The following FAM78B variants were observed in gnomAD, a reference collection of about 807,000 sequenced individuals.
FAM78B encodes the protein family with sequence similarity 78 member B.
A neutral mutation model predicts 20.0 loss-of-function variants in FAM78B; 10 were observed. That is an observed-to-expected ratio of 0.50 (90% CI 0.31 to 0.85). The LOEUF is 0.85. Ranked by LOEUF, FAM78B falls within the 40% of genes least tolerant of loss-of-function variation. FAM78B has a pLI of 0.05. For synonymous variants in FAM78B, 135 were observed against 132.8 expected, an observed-to-expected ratio of 1.02 and a Z score of -0.12; for missense variants, 283 against 345.0, an observed-to-expected ratio of 0.82 and a Z score of 1.42.
chr1:166,109,797 GAT>G lies in FAM78B; in HGVS notation c.264-39036_264-39035del, dbSNP rs1653924086. ...ATCAACGAGTGGATAAAGAAACTGT[GAT>G]ATATATGTATATATGTATATATATA... On this transcript the variant is annotated intron_variant, in intron 1 of 1. Coordinates refer to ENST00000354422, the MANE Select transcript of FAM78B (RefSeq NM_001017961.5). Among the ~76,000 whole-genome samples the G allele has an allele frequency of 3.4e-5, 3 of 88,908 alleles. No individual in the cohort carries two copies. The Admixed American group carries it at 4.1e-4, about 12-fold the overall frequency. The allele number at this position is 88,908 out of a possible 152,430, so 58.3% of individuals were successfully genotyped here. A position where few individuals can be genotyped will look rare whatever the true frequency, so the allele number is the denominator to read the frequency against.
At chr1:166,114,295 A>C (rs1654177192) in intron 1 of FAM78B, among the ~76,000 whole-genome samples, 1 of 152,218 alleles carries the variant, frequency 6.6e-6, no homozygotes, top group African/African-American at 2.4e-5. Flanking sequence ...TCAGGGAAGG[A>C]GGGTGCCCTG....
intron 1 of FAM78B, among the ~76,000 whole-genome samples, chr1:166,158,449 C>G (rs1656003046): frequency 6.6e-6 from 1 of 152,226 alleles, no homozygotes; most frequent in Non-Finnish European, 1.5e-5. Flanking sequence ...ACTGAGCATC[C>G]CTGGACCTCA....
At chr1:166,106,143 G>A (rs1357511996) in intron 1 of FAM78B, among the ~76,000 whole-genome samples, 4 of 148,540 alleles carry the variant, frequency 2.7e-5, no homozygotes, top group Non-Finnish European at 5.9e-5. Context: ...ACTCACAGGT[G>A]GGAATTGAAC....
At chr1:166,110,474 G>C (rs915251158) in intron 1 of FAM78B, among the ~76,000 whole-genome samples, 1 of 152,104 alleles carries the variant, frequency 6.6e-6, no homozygotes, top group Non-Finnish European at 1.5e-5. Context: ...TTTCCCTGTG[G>C]CTGAGGCCAA....
intron 1 of FAM78B, among the ~76,000 whole-genome samples, chr1:166,120,586 G>C (rs6684321): frequency 0.99 from 150,285 of 152,358 alleles, 74,142 homozygotes; most frequent in Middle Eastern, 1. Context: ...TGTGGAAATA[G>C]AAGATGTACA....
At chr1:166,124,371 TAAC>T (rs2101771768) in intron 1 of FAM78B, among the ~76,000 whole-genome samples, 1 of 152,308 alleles carries the variant, frequency 6.6e-6, no homozygotes, top group African/African-American at 2.4e-5. Flanking sequence ...ACAATGATGA[TAAC>T]AACAAAAACA....
chr1:166,090,110 G>C (rs1387124774), intron 1 of FAM78B, among the ~76,000 whole-genome samples: 1 of 152,162 alleles, frequency 6.6e-6, no homozygotes, highest in African/African-American at 2.4e-5. Context: ...TCCTACCCAG[G>C]TCAGTTATAC....
intron 1 of FAM78B, 38 bp from the exon 2 acceptor site, chr1:166,070,801 C>A: frequency 6.6e-7 from 1 of 1,505,146 alleles, no homozygotes; most frequent in Non-Finnish European, 8.8e-7. Context: ...AAAGAAGAGG[C>A]TGAATGAATT....
At chr1:166,163,583 C>G (rs542901581) in intron 1 of FAM78B, among the ~76,000 whole-genome samples, 1 of 152,208 alleles carries the variant, frequency 6.6e-6, no homozygotes, top group African/African-American at 2.4e-5. Context: ...TGAAAAATCA[C>G]TCCATGCTAT....
chr1:166,109,814 G>GTATATGTATATA (rs1653928232), intron 1 of FAM78B, among the ~76,000 whole-genome samples: 1 of 32,646 alleles, frequency 3.1e-5, no homozygotes, highest in African/African-American at 9.8e-5. Flanking sequence ...ATGTATATAT[G>GTATATGTATATA]TATATATATA....
chr1:166,166,162 C>T lies in FAM78B; in HGVS notation c.87G>A (p.Gln29=). 2.5e-6 allele frequency: 4 copies of T among 1,604,382 alleles called. No homozygotes were observed. Among genetic ancestry groups the T allele is most frequent in the Non-Finnish European group, 3.4e-6 (4 of 1,175,404 alleles). ...AGGTCTCCTCGATGCGCGTGGGGCACTGGTCGATGGTGGCGCACACATCGT... is the reference window on the plus strand; with the variant it reads ...AGGTCTCCTCGATGCGCGTGGGGCATTGGTCGATGGTGGCGCACACATCGT... ...VVYDVCATID[Q]CPTRIEETSP... The change falls in exon 1 of 2, where the codon CAG becomes CAA. Residue 29 remains glutamine, a synonymous_variant. Transcript: ENST00000354422.
At chr1:166,081,087 TCCCACTTTCCCCTCCG>T (rs1366728850) in intron 1 of FAM78B, 2 of 152,176 alleles carry the variant, frequency 1.3e-5, no homozygotes, top group Non-Finnish European at 2.9e-5. Context: ...TACTCCCCCC[TCCCACTTTCCCCTCCG>T]CCCACTTCCT....
At chr1:166,087,600 G>GTT (rs1652885248) in intron 1 of FAM78B, 1 of 152,200 alleles carries the variant, frequency 6.6e-6, no homozygotes, top group Non-Finnish European at 1.5e-5. Flanking sequence ...AGGGGGCACT[G>GTT]TAAGTCCTGT....
chr1:166,155,681 C>T (rs1017881013), intron 1 of FAM78B, among the ~76,000 whole-genome samples: 8 of 152,174 alleles, frequency 5.3e-5, no homozygotes, highest in African/African-American at 1.9e-4. Flanking sequence ...AAGCTTGAAA[C>T]AGATTCTCAA....
At chr1:166,137,873 C>T (rs2101785854) in intron 1 of FAM78B, among the ~76,000 whole-genome samples, 1 of 152,346 alleles carries the variant, frequency 6.6e-6, no homozygotes, top group East Asian at 1.9e-4. Context: ...TACATCCCCA[C>T]ATGCAGGAAT....
At chr1:166,109,902 A>ATATATGTG (rs1653978357) in intron 1 of FAM78B, among the ~76,000 whole-genome samples, 1 of 93,546 alleles carries the variant, frequency 1.1e-5, no homozygotes, top group African/African-American at 3.3e-5. Context: ...ATATATATAT[A>ATATATGTG]TATATATATA....
chr1:166,129,063 TGTG>T (rs1347760428), intron 1 of FAM78B, among the ~76,000 whole-genome samples: 19 of 152,098 alleles, frequency 1.2e-4, no homozygotes. Flanking sequence ...AGAACATAAA[TGTG>T]GGGATCCTGC....
Position 166,088,315 on chromosome 1 carries a change from G to A in FAM78B, c.264-17552C>T, listed in dbSNP as rs907587100. Among the ~76,000 whole-genome samples the A allele has an allele frequency of 2.6e-5, 4 of 152,304 alleles. No homozygotes were observed. In the South Asian group the frequency reaches 8.3e-4, roughly 32 times the overall value. On this transcript the variant is annotated intron_variant, in intron 1 of 1. Transcript: ENST00000354422. ...CATGGGAACTGCTGTGGATTCAAAAGGAACACCAGTGTCATCCCTGCATGG... is the reference window on the plus strand; with the variant it reads ...CATGGGAACTGCTGTGGATTCAAAAAGAACACCAGTGTCATCCCTGCATGG...
chr1:166,157,038 G>T lies in FAM78B; in HGVS notation c.263+8948C>A, dbSNP rs1264707811. On this transcript the variant is annotated intron_variant, in intron 1 of 1. Transcript: ENST00000354422. ...ACATGACGTCAAGGGGGCGGCGGAG[G>T]GGGGGGGGGGGCTCCAATGCCTTCC... 5.0e-5 allele frequency among the ~76,000 whole-genome samples: 5 copies of T among 99,398 alleles called. 1 individual carries two copies. The highest frequency in any genetic ancestry group is 4.0e-4 in the East Asian group (1 of 2,528). The allele number at this position is 99,398 out of a possible 152,430, so 65.2% of individuals were successfully genotyped here.
Sources: allele counts gnomAD v4.1 joint callset (sites outside exome capture counted in the v4.1 genomes callset), GRCh38; gene constraint gnomAD v4.1.1; transcripts MANE v1.5; gene names NCBI Gene and HGNC (gene_info 2026-07-23, HGNC 2026-07-21).